The following CLTRN variants were observed in gnomAD, a reference collection of about 807,000 sequenced individuals.
CLTRN encodes the protein collectrin, amino acid transport regulator, also known as collectrin.
Under a neutral mutation model 14.5 loss-of-function variants are expected in CLTRN, and 12 were observed. The observed-to-expected ratio is 0.83, with a 90% confidence interval of 0.53 to 1.34. The LOEUF is 1.34. CLTRN is among the 40% of genes most tolerant of loss of function. CLTRN has a pLI of 0.00. For missense variants in CLTRN, 154 were observed against 165.1 expected (o/e 0.93, Z 0.37); for synonymous variants, 58 against 56.5 (o/e 1.03, Z -0.12).
At chrX:15,636,050 A>G (rs1432718990) in intron 5 of CLTRN, among the ~76,000 whole-genome samples, 2 of 112,118 alleles carry the variant, frequency 1.8e-5, no homozygotes, top group Non-Finnish European at 3.8e-5. Flanking sequence ...GAAACATAGC[A>G]AGTGTTGGTG....
At chrX:15,628,574 A>G (rs960569691) in intron 5 of CLTRN, among the ~76,000 whole-genome samples, 4 of 112,351 alleles carry the variant, frequency 3.6e-5, no homozygotes, top group Non-Finnish European at 3.8e-5. Context: ...AATTCCTCTC[A>G]TGGGATTTGA....
In CLTRN at chrX:15,645,427, C is replaced by A. The variant is rs182804173; in HGVS notation, c.204-398G>T. Reference sequence around the variant, plus strand: ...GCCCTGCCCATTCAGTCTTCCACCTCTCAGATCCAGAGAGGATCTGCTGCC... The same window carrying A: ...GCCCTGCCCATTCAGTCTTCCACCTATCAGATCCAGAGAGGATCTGCTGCC... On this transcript the variant is annotated intron_variant, in intron 3 of 5. Coordinates refer to ENST00000380342, the MANE Select transcript of CLTRN (RefSeq NM_020665.6). Among the ~76,000 whole-genome samples the A allele has an allele frequency of 5.4e-5, 6 of 111,436 alleles. No homozygotes were observed. The East Asian group carries it at 1.7e-3, about 31-fold the overall frequency.
intron 3 of CLTRN, chrX:15,646,308 C>G: frequency 3.9e-6 from 1 of 253,391 alleles, no homozygotes; most frequent in South Asian, 3.9e-5. Context: ...TCGCTGGTCA[C>G]TGAGCCCGGA....
At chrX:15,646,282 A>T (rs1929065490) in intron 3 of CLTRN, 1 of 247,568 alleles carries the variant, frequency 4.0e-6, no homozygotes, top group Non-Finnish European at 7.7e-6. Flanking sequence ...ACTTTCTGAC[A>T]TTTTGATACC....
At chrX:15,671,842 G>GCGCACACACA (rs1929722835) in intron 1 of CLTRN, among the ~76,000 whole-genome samples, 1 of 59,389 alleles carries the variant, frequency 1.7e-5, no homozygotes, top group Non-Finnish European at 2.8e-5. Context: ...AATTTTATGC[G>GCGCACACACA]CGCACACACA....
chrX:15,644,886 C>G, intron 4 of CLTRN, 30 bp downstream of exon 4: 1 of 969,724 alleles, frequency 1.0e-6, no homozygotes, highest in Non-Finnish European at 1.4e-6. Flanking sequence ...AGTTGATTGA[C>G]TAATAGAAGG....
chrX:15,635,927 C>T (rs760085654), intron 5 of CLTRN, among the ~76,000 whole-genome samples: 18 of 111,620 alleles, frequency 1.6e-4, no homozygotes, highest in Non-Finnish European at 3.0e-4. Flanking sequence ...CATACAAATG[C>T]CCAACGGGTA....
intron 2 of CLTRN, among the ~76,000 whole-genome samples, chrX:15,663,568 G>T (rs1328428390): frequency 1.4e-5 from 1 of 73,052 alleles, no homozygotes; most frequent in Non-Finnish European, 2.6e-5. Context: ...ATAAATGCTG[G>T]CTGTTATAAC....
intron 3 of CLTRN, among the ~76,000 whole-genome samples, chrX:15,651,549 T>C (rs1157518409): frequency 2.7e-5 from 3 of 111,717 alleles, no homozygotes; most frequent in Non-Finnish European, 5.6e-5. Flanking sequence ...ATCCCTGCCC[T>C]GATTTGAACT....
chrX:15,657,372 C>T (rs1282303572), intron 3 of CLTRN, among the ~76,000 whole-genome samples: 2 of 112,047 alleles, frequency 1.8e-5, no homozygotes, highest in African/African-American at 3.2e-5. Context: ...CTACAATGCT[C>T]CAGATTCTGA....
At chrX:15,651,326 G>A (rs138777083) in intron 3 of CLTRN, among the ~76,000 whole-genome samples, 5,661 of 111,080 alleles carry the variant, frequency 0.051, 335 homozygotes, top group African/African-American at 0.17. Flanking sequence ...TCCCATGCAG[G>A]AATTTAGTGA....
Position 15,664,407 on chromosome X carries a change from GA to G in CLTRN, c.59-13del. The G allele has an allele frequency of 8.5e-7, 1 of 1,169,960 alleles. No individual in the cohort carries two copies. Among genetic ancestry groups the G allele is most frequent in the Non-Finnish European group, 1.1e-6 (1 of 869,683 alleles). On this transcript the variant is annotated splice_polypyrimidine_tract_variant and intron_variant, in intron 1 of 5. Transcript: ENST00000380342. The stretch of plus-strand genomic sequence containing the variant: ...AGCATTTTCTGCACCTGCCAGAAAA[GA>G]AAAAAGAAAGAGCAGTATATGATGA...
chrX:15,659,159 G>T, intron 2 of CLTRN, 58 bp from the exon 3 acceptor site: 1 of 582,721 alleles, frequency 1.7e-6, no homozygotes, highest in Non-Finnish European at 2.8e-6. Context: ...GGTTCTACTT[G>T]TACCCACAGT....
chrX:15,633,005 AG>A (rs767020488), intron 5 of CLTRN, among the ~76,000 whole-genome samples: 1 of 111,259 alleles, frequency 9.0e-6, no homozygotes, highest in South Asian at 3.8e-4. Context: ...CGGGGAATTG[AG>A]ACCATCCTCA....
At chrX:15,632,470 C>T (rs756742121) in intron 5 of CLTRN, among the ~76,000 whole-genome samples, 2 of 111,085 alleles carry the variant, frequency 1.8e-5, no homozygotes, top group South Asian at 7.5e-4. Context: ...CCCAGCTACT[C>T]GGGAGGCTGA....
chrX:15,645,528 G>C (rs1318207302), intron 3 of CLTRN, among the ~76,000 whole-genome samples: 1 of 111,858 alleles, frequency 8.9e-6, no homozygotes, highest in Non-Finnish European at 1.9e-5. Context: ...AAGACAAAAG[G>C]CACCTTCTGT....
intron 2 of CLTRN, among the ~76,000 whole-genome samples, chrX:15,662,248 A>C (rs1929525576): frequency 1.8e-5 from 2 of 109,460 alleles, no homozygotes; most frequent in Non-Finnish European, 3.8e-5. Context: ...TTGCTTCATA[A>C]TTTATAGATA....
At chrX:15,657,481 T>G (rs1929400522) in intron 3 of CLTRN, among the ~76,000 whole-genome samples, 1 of 112,562 alleles carries the variant, frequency 8.9e-6, no homozygotes, top group Non-Finnish European at 1.9e-5. Context: ...TTTAACTTAG[T>G]CATGTACTAG....
intron 2 of CLTRN, among the ~76,000 whole-genome samples, chrX:15,661,781 A>G (rs1366578794): frequency 2.7e-5 from 3 of 112,801 alleles, no homozygotes; most frequent in Non-Finnish European, 3.7e-5. Flanking sequence ...CTTGACACAT[A>G]ATAGGTGCTC....
Sources: gnomAD v4.1 joint callset for allele counts (sites outside exome capture counted in the v4.1 genomes callset) on GRCh38, gnomAD v4.1.1 for gene constraint, MANE v1.5 for transcripts, NCBI Gene and HGNC (gene_info 2026-07-23, HGNC 2026-07-21) for gene names.